NT5DC4: variants seen among roughly 807,000 people sequenced by gnomAD.
NT5DC4 encodes 5'-nucleotidase domain-containing protein 4.
NT5DC4 carries 44 observed loss-of-function variants against 26.6 expected under a neutral mutation model. That is an observed-to-expected ratio of 1.65 (90% CI 1.30 to 2.13). The LOEUF (loss-of-function observed/expected upper bound fraction) is 2.13, where lower values mean the gene tolerates loss of function less well. NT5DC4 is among the 30% of genes most tolerant of loss of function. The probability of loss-of-function intolerance (pLI) is 0.00; values close to 1 mark genes in which losing one functional copy is unlikely to be tolerated. For synonymous variants in NT5DC4, 157 were observed against 86.7 expected, an observed-to-expected ratio of 1.81 and a Z score of -4.51; for missense variants, 399 against 228.1, an observed-to-expected ratio of 1.75 and a Z score of -4.83.
chr2:112,728,109 G>A (rs1356754747), intron 15 of NT5DC4, among the ~76,000 whole-genome samples: 1 of 152,226 alleles, frequency 6.6e-6, no homozygotes, highest in South Asian at 2.1e-4. Context: ...TGGGATCACA[G>A]TCTTGCAGAT....
intron 8 of NT5DC4, 25 bp downstream of exon 8, chr2:112,723,493 A>T (rs1482825078): frequency 1.4e-6 from 1 of 716,696 alleles, no homozygotes. Flanking sequence ...ACCCAGGGCC[A>T]TGGCCATCAC....
Position 112,723,142 on chromosome 2 carries a change from G to A in NT5DC4, c.589G>A (p.Val197Met), listed in dbSNP as rs1330769515. ...FMSFRSLFQD[V>M]TDAMNNIHQS... ...GTCCTTCCGAAGCCTCTTCCAGGATGTGACTGATGCCATGAATAACATCCA... is the reference window on the plus strand; with the variant it reads ...GTCCTTCCGAAGCCTCTTCCAGGATATGACTGATGCCATGAATAACATCCA... Residue 197 changes from valine to methionine, a missense_variant, in exon 7 of 17, where the codon GTG becomes ATG. Val to Met is a conservative substitution (Grantham distance 21). Transcript: ENST00000688554. The A allele has an allele frequency of 5.6e-6, 4 of 717,218 alleles. No homozygotes were observed. The highest frequency in any genetic ancestry group is 1.0e-5 in the Non-Finnish European group (4 of 385,090). The allele number at this position is 717,218 out of a possible 1,614,324, so 44.4% of individuals were successfully genotyped here. A position where few individuals can be genotyped will look rare whatever the true frequency, so the allele number is the denominator to read the frequency against.
chr2:112,727,910 A>T (rs1456768838), intron 15 of NT5DC4, among the ~76,000 whole-genome samples: 1 of 152,226 alleles, frequency 6.6e-6, no homozygotes, highest in Non-Finnish European at 1.5e-5. Flanking sequence ...CGACCTCTAC[A>T]CTGCCGCCTG....
chr2:112,725,393 A>G lies in NT5DC4; in HGVS notation c.994A>G (p.Met332Val). The G allele has an allele frequency of 1.4e-6, 1 of 709,002 alleles. No homozygotes were observed. The highest frequency in any genetic ancestry group is 2.6e-6 in the Non-Finnish European group (1 of 378,450). 43.9% of individuals were successfully genotyped at this position (709,002 alleles called of 1,614,324 possible). A position where few individuals can be genotyped will look rare whatever the true frequency, so the allele number is the denominator to read the frequency against. The stretch of plus-strand genomic sequence containing the variant: ...CCTTGGTGGGGCAGGCTCTTCGGAC[A>G]TGGTGTGCGAGCTGCTTGGGGTTCG... The part of the protein sequence containing the change: ...CAVYSGGSSD[M>V]VCELLGVRGM... Residue 332 changes from methionine (M) to valine (V), a missense_variant, in exon 13 of 17, where the codon ATG becomes GTG. Coordinates refer to ENST00000688554, the MANE Select transcript of NT5DC4 (RefSeq NM_001393655.1).
At chr2:112,741,802 C>G (rs1679985547), downstream of NT5DC4, among the ~76,000 whole-genome samples, 1 of 151,964 alleles carries the variant, frequency 6.6e-6, no homozygotes, top group African/African-American at 2.4e-5. Context: ...CTCTTGTTGT[C>G]CAGGCTGGAG....
upstream of NT5DC4, among the ~76,000 whole-genome samples, chr2:112,719,761 G>A (rs1329120397): frequency 6.6e-6 from 1 of 151,690 alleles, no homozygotes; most frequent in East Asian, 1.9e-4. Context: ...TGGGATTACA[G>A]GTGTGAGCCA....
At chr2:112,742,732 A>C (rs753916738), downstream of NT5DC4, 1 of 1,608,416 alleles carries the variant, frequency 6.2e-7, no homozygotes. Context: ...TGAGTCTTGC[A>C]AGATATTAAG....
intron 1 of NT5DC4, 57 bp from the exon 2 acceptor site, chr2:112,721,761 G>A (rs1290229408): frequency 1.4e-6 from 1 of 717,002 alleles, no homozygotes; most frequent in South Asian, 1.5e-5. Flanking sequence ...CTGTCCTTGG[G>A]CCTTGGATTC....
upstream of NT5DC4, among the ~76,000 whole-genome samples, chr2:112,718,900 C>G (rs1214345451): frequency 6.6e-6 from 1 of 152,204 alleles, no homozygotes; most frequent in Non-Finnish European, 1.5e-5. Flanking sequence ...AACTGTCTGT[C>G]CATTCACTCA....
At chr2:112,723,233 C>A in intron 7 of NT5DC4, 59 bp downstream of exon 7, 2 of 716,814 alleles carry the variant, frequency 2.8e-6, no homozygotes, top group Non-Finnish European at 2.6e-6. Flanking sequence ...GTTCCCCGGG[C>A]AGCCTTCAGG....
upstream of NT5DC4, among the ~76,000 whole-genome samples, chr2:112,719,934 C>CTTTCTT (rs1553430208): frequency 3.0e-5 from 2 of 66,024 alleles, no homozygotes; most frequent in African/African-American, 1.3e-4. Context: ...CTCTTTCTTT[C>CTTTCTT]TTTCTTTCTT....
At chr2:112,719,304 C>T (rs1676617838), upstream of NT5DC4, among the ~76,000 whole-genome samples, 1 of 152,182 alleles carries the variant, frequency 6.6e-6, no homozygotes, top group Non-Finnish European at 1.5e-5. Context: ...GAACATCGTT[C>T]CGCAGCACAC....
At chr2:112,739,237 T>C (rs1290521016), downstream of NT5DC4, among the ~76,000 whole-genome samples, 2 of 152,098 alleles carry the variant, frequency 1.3e-5, no homozygotes, top group African/African-American at 2.4e-5. Context: ...CTGGGCAACA[T>C]AGCAACACAC....
intron 15 of NT5DC4, chr2:112,727,124 T>G: frequency 3.9e-5 from 9 of 233,560 alleles, no homozygotes; most frequent in East Asian, 9.3e-5. Context: ...AAAGACAGTG[T>G]TCCCTTGTGG....
At chr2:112,740,612 G>A (rs1403010723), downstream of NT5DC4, among the ~76,000 whole-genome samples, 1 of 152,110 alleles carries the variant, frequency 6.6e-6, no homozygotes, top group East Asian at 1.9e-4. Flanking sequence ...AGGCAGATAG[G>A]ATCTGCAAGT....
At chr2:112,725,146 G>A (rs1401002139) in intron 11 of NT5DC4, 28 bp from the exon 12 acceptor site, 1 of 707,908 alleles carries the variant, frequency 1.4e-6, no homozygotes, top group Admixed American at 2.0e-5. Flanking sequence ...GGTTCTCCTG[G>A]CTCCAGGGCA....
At chr2:112,736,675 T>C (rs887476428) in intron 16 of NT5DC4, 3 of 152,200 alleles carry the variant, frequency 2.0e-5, no homozygotes, top group Non-Finnish European at 2.9e-5. Context: ...ATATTCCATA[T>C]GTGAGATCAT....
intron 1 of NT5DC4, 150 bp from the exon 2 acceptor site, chr2:112,721,668 C>G (rs1676879217): frequency 1.4e-6 from 1 of 715,458 alleles, no homozygotes. Flanking sequence ...AGGCAGGGCC[C>G]TGGCTTGGCC....
Position 112,723,010 on chromosome 2 carries a change from G to A in NT5DC4, c.528-71G>A, listed in dbSNP as rs1278792106. 4.5e-6 allele frequency: 3 copies of A among 663,834 alleles called. No homozygotes were observed. The African/African-American group carries it at 5.4e-5, about 12-fold the overall frequency. 41.1% of individuals were successfully genotyped at this position (663,834 alleles called of 1,614,324 possible). A position where few individuals can be genotyped will look rare whatever the true frequency, so the allele number is the denominator to read the frequency against. On this transcript the variant is annotated intron_variant, in intron 6 of 16. Transcript: ENST00000688554. ...GTGTGGCTGGTGGGGTTGCTCTGGT[G>A]TGGGACTCAGGGTTGGAGGTCATTT...
Sources: gnomAD v4.1 joint callset for allele counts (sites outside exome capture counted in the v4.1 genomes callset) on GRCh38, gnomAD v4.1.1 for gene constraint, MANE v1.5 for transcripts, NCBI Gene and HGNC (gene_info 2026-07-23, HGNC 2026-07-21) for gene names.